Variants in MYO3B observed in about 807,000 individuals in gnomAD.
The protein encoded by MYO3B is myosin IIIB.
A neutral mutation model predicts 174.6 loss-of-function variants in MYO3B; 156 were observed. That is an observed-to-expected ratio of 0.89 (90% confidence interval 0.78 to 1.02). MYO3B has a LOEUF of 1.02. Among genes scored for constraint, MYO3B ranks in the 50% least tolerant of loss-of-function variants. MYO3B has a pLI of 0.00. For missense variants in MYO3B, 1,632 were observed against 1,639.4 expected, an observed-to-expected ratio of 1.00 and a Z score of 0.08; for synonymous variants, 563 against 569.1, an observed-to-expected ratio of 0.99 and a Z score of 0.15.
intron 6 of MYO3B, among the ~76,000 whole-genome samples, chr2:170,218,695 G>A (rs1326529431): frequency 6.6e-6 from 1 of 152,120 alleles, no homozygotes; most frequent in Non-Finnish European, 1.5e-5. Flanking sequence ...ATCTGTGTTG[G>A]CTTGGTGCCA....
At chr2:170,534,676 G>C (rs1689572775) in intron 30 of MYO3B, among the ~76,000 whole-genome samples, 2 of 152,182 alleles carry the variant, frequency 1.3e-5, no homozygotes, top group African/African-American at 4.8e-5. Context: ...TTGAGCTTAA[G>C]CAGTCCTCTC....
At chr2:170,234,207 A>AAAAAAAAAAAG in intron 6 of MYO3B, among the ~76,000 whole-genome samples, 1 of 134,770 alleles carries the variant, frequency 7.4e-6, no homozygotes, top group Non-Finnish European at 1.5e-5. Context: ...ACAAAAAAAA[A>AAAAAAAAAAAG]ACACCTGTTT....
intron 23 of MYO3B, among the ~76,000 whole-genome samples, chr2:170,453,447 CACACACGA>C (rs377611607): frequency 0.011 from 1,342 of 124,974 alleles, 8 homozygotes; most frequent in Middle Eastern, 0.02. Context: ...CACACACACA[CACACACGA>C]GAGAGAGAGA....
intron 16 of MYO3B, among the ~76,000 whole-genome samples, chr2:170,397,896 A>G (rs1163361710): frequency 6.6e-6 from 1 of 152,144 alleles, no homozygotes; most frequent in Non-Finnish European, 1.5e-5. Context: ...ACTCAGGAAA[A>G]CACTTTACTT....
At position 170,506,443 on chromosome 2, in the gene MYO3B, T is replaced by C. The variant is rs143011322; in HGVS notation, c.3370+4578T>C. On this transcript the variant is annotated intron_variant, in intron 28 of 34. Coordinates refer to ENST00000408978, the MANE Select transcript of MYO3B (RefSeq NM_138995.5). ...CTAAATTTCCCGCTATTTGCCTACGTGTGCAGGACAACTATATTTAAACTG... is the reference window on the plus strand; with the variant it reads ...CTAAATTTCCCGCTATTTGCCTACGCGTGCAGGACAACTATATTTAAACTG... 1.4e-4 allele frequency among the ~76,000 whole-genome samples: 22 copies of C among 152,376 alleles called. 1 individual carries two copies. Among genetic ancestry groups the C allele is most frequent in the African/African-American group, 5.0e-4 (21 of 41,590 alleles).
chr2:170,590,750 G>C (rs1029646857), intron 32 of MYO3B, among the ~76,000 whole-genome samples: 3 of 152,130 alleles, frequency 2.0e-5, no homozygotes, highest in African/African-American at 2.4e-5. Flanking sequence ...AAACCCAAAA[G>C]GGGAGAGTCG....
chr2:170,203,562 C>G (rs1213537694), intron 3 of MYO3B, among the ~76,000 whole-genome samples: 1 of 151,428 alleles, frequency 6.6e-6, no homozygotes, highest in Non-Finnish European at 1.5e-5. Context: ...GACCGATGGA[C>G]CTTTGTCCAG....
chr2:170,188,535 A>C (rs1160020018), intron 1 of MYO3B, among the ~76,000 whole-genome samples: 1 of 151,786 alleles, frequency 6.6e-6, no homozygotes, highest in Non-Finnish European at 1.5e-5. Flanking sequence ...GTTTGTGGTT[A>C]TCTCTTCTTT....
chr2:170,616,131 T>C (rs567798808), intron 32 of MYO3B, among the ~76,000 whole-genome samples: 9 of 152,238 alleles, frequency 5.9e-5, no homozygotes, highest in South Asian at 4.1e-4. Flanking sequence ...AAACAATCCA[T>C]GGAAACAGGA....
intron 7 of MYO3B, among the ~76,000 whole-genome samples, chr2:170,251,064 T>G (rs550256598): frequency 6.6e-6 from 1 of 152,204 alleles, no homozygotes; most frequent in African/African-American, 2.4e-5. Context: ...TATTCGGGCT[T>G]GAGGGTGGGG....
At chr2:170,379,279 C>G (rs2094318047) in intron 9 of MYO3B, among the ~76,000 whole-genome samples, 1 of 150,742 alleles carries the variant, frequency 6.6e-6, no homozygotes. Flanking sequence ...ACTGCAACCT[C>G]TGCCTCCCGG....
intron 32 of MYO3B, among the ~76,000 whole-genome samples, chr2:170,635,796 G>C (rs1051897108): frequency 3.9e-5 from 6 of 151,978 alleles, no homozygotes; most frequent in African/African-American, 1.2e-4. Context: ...AGGAGGAGGA[G>C]ATATCCAAAG....
Position 170,405,638 on chromosome 2 carries a change from G to C in MYO3B, c.2520+5G>C. The C allele has an allele frequency of 6.2e-7, 1 of 1,613,938 alleles. No individual in the cohort carries two copies. On this transcript the variant is annotated splice_donor_5th_base_variant and intron_variant, in intron 21 of 34. Transcript: ENST00000408978. ...ATTCAGCATTATGCTGGAAAGGTGA[G>C]GCCAGTGTGACAGTTATTAGACCTG...
intron 32 of MYO3B, among the ~76,000 whole-genome samples, chr2:170,583,563 T>C (rs1575200413): frequency 6.6e-6 from 1 of 152,292 alleles, no homozygotes; most frequent in East Asian, 1.9e-4. Context: ...CATTTCTCTG[T>C]GGAAAAATTA....
intron 8 of MYO3B, among the ~76,000 whole-genome samples, chr2:170,365,127 C>T (rs568041054): frequency 2.6e-5 from 4 of 152,234 alleles, no homozygotes; most frequent in South Asian, 4.2e-4. Flanking sequence ...CCTCTGGCCG[C>T]GAAGTATTGT....
At chr2:170,555,366 G>A (rs764029825) in intron 32 of MYO3B, among the ~76,000 whole-genome samples, 4 of 152,120 alleles carry the variant, frequency 2.6e-5, no homozygotes, top group Non-Finnish European at 5.9e-5. Flanking sequence ...CATCATGACA[G>A]TATCATACAG....
intron 32 of MYO3B, among the ~76,000 whole-genome samples, chr2:170,593,219 TC>T (rs1559143104): frequency 2.0e-5 from 3 of 152,106 alleles, no homozygotes; most frequent in African/African-American, 7.2e-5. Context: ...CACCTCAGCA[TC>T]CCAAGTGACT....
chr2:170,310,731 TG>T (rs1211487348), intron 7 of MYO3B, among the ~76,000 whole-genome samples: 1 of 136,410 alleles, frequency 7.3e-6, no homozygotes, highest in African/African-American at 2.7e-5. Flanking sequence ...AACTTGAAGG[TG>T]GGGGATGGTT....
intron 33 of MYO3B, among the ~76,000 whole-genome samples, 173 bp downstream of exon 33, chr2:170,651,907 G>A (rs986183733): frequency 2.8e-5 from 4 of 141,428 alleles, no homozygotes; most frequent in Non-Finnish European, 4.5e-5. Context: ...CTGCCTTCAC[G>A]GTGAATAATT....
Sources: allele counts gnomAD v4.1 joint callset (sites outside exome capture counted in the v4.1 genomes callset), GRCh38; gene constraint gnomAD v4.1.1; transcripts MANE v1.5; gene names NCBI Gene and HGNC (gene_info 2026-07-23, HGNC 2026-07-21).